TEX15: variants seen among roughly 807,000 people sequenced by gnomAD.
TEX15 encodes the protein testis expressed 15, meiosis and synapsis associated, also known as testis-expressed protein 15.
In TEX15, 171 loss-of-function variants were observed where a neutral mutation model predicts 237.3. The observed-to-expected ratio is 0.72, with a 90% CI of 0.64 to 0.82. The LOEUF is 0.82. Among genes scored for constraint, TEX15 ranks in the 40% least tolerant of loss-of-function variants. The pLI is 0.00. For synonymous variants in TEX15, 1,338 were observed against 1,269.8 expected, an observed-to-expected ratio of 1.05 and a Z score of -1.14; for missense variants, 3,750 against 3,646.5, an observed-to-expected ratio of 1.03 and a Z score of -0.73.
intron 1 of TEX15, among the ~76,000 whole-genome samples, chr8:30,904,153 C>T (rs776152387): frequency 3.3e-5 from 5 of 152,092 alleles, no homozygotes; most frequent in Non-Finnish European, 4.4e-5. Flanking sequence ...AATAATAAAA[C>T]GACCTTATTT....
At chr8:30,900,247 T>G (rs551207880) in intron 1 of TEX15, among the ~76,000 whole-genome samples, 3 of 152,282 alleles carry the variant, frequency 2.0e-5, no homozygotes, top group Non-Finnish European at 4.4e-5. Context: ...GAAGTAAACG[T>G]AGAGAATAAA....
intron 9 of TEX15, 27 bp downstream of exon 9, chr8:30,839,879 C>T: frequency 1.3e-6 from 2 of 1,536,970 alleles, no homozygotes; most frequent in Non-Finnish European, 1.8e-6. Flanking sequence ...AATTTTTTTT[C>T]CACATAGGGC....
chr8:30,912,977 C>G lies in TEX15; in HGVS notation c.-184G>C, dbSNP rs1342985443. Reference sequence around the variant, plus strand: ...TTCCCTGGAAGCCTCAGGAACACAGCAGCACCCCCCAGCGAGGTGCGCACA... The same window carrying G: ...TTCCCTGGAAGCCTCAGGAACACAGGAGCACCCCCCAGCGAGGTGCGCACA... On this transcript the variant is annotated 5_prime_UTR_variant, in exon 1 of 11. Transcript: ENST00000643185. 6.6e-6 allele frequency: 1 copy of G among 152,438 alleles called. No homozygotes were observed. Among genetic ancestry groups the G allele is most frequent in the Non-Finnish European group, 1.5e-5 (1 of 68,240 alleles). The allele number at this position is 152,438 out of a possible 1,614,324, so 9.4% of individuals were successfully genotyped here.
chr8:30,879,681 T>C (rs576042028), intron 3 of TEX15, among the ~76,000 whole-genome samples: 11 of 152,378 alleles, frequency 7.2e-5, no homozygotes, highest in African/African-American at 2.4e-4. Flanking sequence ...TACAGCTATA[T>C]GCTAAGGCTT....
At chr8:30,853,494 C>A (rs933617700) in intron 7 of TEX15, among the ~76,000 whole-genome samples, 1 of 151,914 alleles carries the variant, frequency 6.6e-6, no homozygotes, top group Non-Finnish European at 1.5e-5. Flanking sequence ...AAAAATAATA[C>A]AAATAAAAAA....
intron 10 of TEX15, among the ~76,000 whole-genome samples, chr8:30,836,018 T>C (rs1387085457): frequency 6.6e-6 from 1 of 152,068 alleles, no homozygotes; most frequent in African/African-American, 2.4e-5. Flanking sequence ...ATCTAGAAAA[T>C]GCAAGAAAAA....
Position 30,844,749 on chromosome 8 carries a change from C to A in TEX15, c.5418G>T (p.Gly1806=). The change falls in exon 8 of 11, where the codon GGG becomes GGT. Residue 1806 remains glycine, a synonymous_variant. Transcript: ENST00000643185. ...ASGTEEDKSY[G]ENIVELSSSD... is the part of the protein sequence containing the mutation. ...TGGAAGATAATTCCACTATATTTTC[C>A]CCATAACTTTTATCTTCTTCAGTTC... 6.2e-7 allele frequency: 1 copy of A among 1,613,186 alleles called. No homozygotes were observed. The highest frequency in any genetic ancestry group is 8.5e-7 in the Non-Finnish European group (1 of 1,179,558).
chr8:30,868,930 T>C (rs1286585850), intron 4 of TEX15, among the ~76,000 whole-genome samples: 1 of 150,662 alleles, frequency 6.6e-6, no homozygotes, highest in East Asian at 1.9e-4. Context: ...AGGGTTTCAG[T>C]GGAATGAAAC....
At chr8:30,833,389 T>C (rs559305910) in intron 10 of TEX15, 66 bp from the exon 11 acceptor site, 2 of 1,238,660 alleles carry the variant, frequency 1.6e-6, no homozygotes, top group South Asian at 3.0e-5. Context: ...GATACTATAG[T>C]GGAAAGAACC....
chr8:30,884,418 C>G (rs1023259122), intron 3 of TEX15, among the ~76,000 whole-genome samples: 8 of 152,214 alleles, frequency 5.3e-5, no homozygotes, highest in Non-Finnish European at 8.8e-5. Flanking sequence ...GGTGTAACTT[C>G]TTCCTTAAAT....
intron 7 of TEX15, among the ~76,000 whole-genome samples, chr8:30,857,167 T>C (rs1807929078): frequency 1.3e-5 from 2 of 152,062 alleles, no homozygotes; most frequent in Non-Finnish European, 2.9e-5. Flanking sequence ...ATTATAGAGG[T>C]GGTACTGCAG....
In TEX15 at chr8:30,837,491, G is replaced by A. The variant is rs991561870; in HGVS notation, c.8793C>T (p.Ser2931=). Reference sequence around the variant, plus strand: ...TGGGTTCTGGAGAAGTCATGCATGAGGAATTTTTAATAGATGAATTTACTA... The same window carrying A: ...TGGGTTCTGGAGAAGTCATGCATGAAGAATTTTTAATAGATGAATTTACTA... ...NDIVNSSIKN[S]SCMTSPEPIC... is the part of the protein sequence containing the mutation. The change falls in exon 10 of 11, where the codon TCC becomes TCT. Residue 2931 remains serine, a synonymous_variant. Transcript: ENST00000643185. 2 of 1,613,546 alleles carry A rather than the reference G, an allele frequency of 1.2e-6. No individual in the cohort carries two copies. The highest frequency in any genetic ancestry group is 1.7e-6 in the Non-Finnish European group (2 of 1,179,594).
At chr8:30,905,734 CAAAAAA>C (rs34079195) in intron 1 of TEX15, among the ~76,000 whole-genome samples, 6 of 50,992 alleles carry the variant, frequency 1.2e-4, no homozygotes, top group African/African-American at 4.7e-4. Flanking sequence ...ACAAAAAATA[CAAAAAA>C]AAAAAAAAAA....
intron 7 of TEX15, among the ~76,000 whole-genome samples, chr8:30,857,957 G>A (rs1189153507): frequency 6.6e-6 from 1 of 152,208 alleles, no homozygotes; most frequent in African/African-American, 2.4e-5. Context: ...ACCATTTGAT[G>A]TTGTCTTTAA....
At chr8:30,835,591 C>T (rs1477495244) in intron 10 of TEX15, among the ~76,000 whole-genome samples, 2 of 151,940 alleles carry the variant, frequency 1.3e-5, no homozygotes, top group Non-Finnish European at 2.9e-5. Context: ...AATTATCTTG[C>T]ATTTCTCCGT....
At chr8:30,905,734 CA>C (rs34079195) in intron 1 of TEX15, among the ~76,000 whole-genome samples, 6,433 of 51,020 alleles carry the variant, frequency 0.13, 114 homozygotes, top group Middle Eastern at 0.23. Flanking sequence ...ACAAAAAATA[CA>C]AAAAAAAAAA....
chr8:30,889,934 C>CATATATATATACAT (rs1808750195), intron 2 of TEX15, among the ~76,000 whole-genome samples: 1 of 123,326 alleles, frequency 8.1e-6, no homozygotes, highest in African/African-American at 3.6e-5. Context: ...TAGTTATATA[C>CATATATATATACAT]ATATATATAT....
At chr8:30,851,882 C>T (rs371991944) in intron 7 of TEX15, among the ~76,000 whole-genome samples, 3 of 151,552 alleles carry the variant, frequency 2.0e-5, no homozygotes, top group South Asian at 2.1e-4. Flanking sequence ...TGCAGTGAGC[C>T]GAGATGGCAC....
chr8:30,884,122 C>A (rs1301586715), intron 3 of TEX15, among the ~76,000 whole-genome samples: 4 of 152,206 alleles, frequency 2.6e-5, no homozygotes, highest in Admixed American at 2.6e-4. Flanking sequence ...AGGGCATGAG[C>A]CACAGTGCCC....
Sources: gnomAD v4.1 joint callset for allele counts (sites outside exome capture counted in the v4.1 genomes callset) on GRCh38, gnomAD v4.1.1 for gene constraint, MANE v1.5 for transcripts, NCBI Gene and HGNC (gene_info 2026-07-23, HGNC 2026-07-21) for gene names.